Variants in MYO18B observed in about 807,000 individuals in gnomAD.
The protein encoded by MYO18B is myosin XVIIIB, also known as unconventional myosin-XVIIIb.
Under a neutral mutation model 273.0 loss-of-function variants are expected in MYO18B, and 204 were observed. The observed-to-expected ratio is 0.75, with a 90% CI of 0.67 to 0.84. The LOEUF (loss-of-function observed/expected upper bound fraction) is 0.84, where lower values mean the gene tolerates loss of function less well. Among genes scored for constraint, MYO18B ranks in the 40% least tolerant of loss-of-function variants. The pLI is 0.00. For missense variants in MYO18B, 3,212 were observed against 3,287.6 expected (o/e 0.98, Z 0.56); for synonymous variants, 1,330 against 1,305.7 (o/e 1.02, Z -0.40).
chr22:25,760,917 G>T, intron 1 of MYO18B, 67 bp from the exon 2 acceptor site: 2 of 692,826 alleles, frequency 2.9e-6, no homozygotes, highest in Non-Finnish European at 2.5e-6. Context: ...GTGGGGGTGG[G>T]AGTAGGGCTG....
chr22:25,874,757 A>G (rs1217902120), intron 23 of MYO18B, among the ~76,000 whole-genome samples: 1 of 152,208 alleles, frequency 6.6e-6, no homozygotes, highest in African/African-American at 2.4e-5. Flanking sequence ...ACCAAAGGCC[A>G]AGTCAAGCTT....
chr22:25,811,259 G>A (rs1206378441), intron 12 of MYO18B, among the ~76,000 whole-genome samples: 2 of 151,860 alleles, frequency 1.3e-5, no homozygotes, highest in Non-Finnish European at 2.9e-5. Flanking sequence ...CTGACCTCAG[G>A]TAATCCTCCC....
At chr22:25,773,118 C>G (rs1252027780) in intron 7 of MYO18B, among the ~76,000 whole-genome samples, 1 of 152,126 alleles carries the variant, frequency 6.6e-6, no homozygotes. Flanking sequence ...AAGGAAATCT[C>G]TAAGCGCCAC....
At chr22:26,034,396 T>C (rs954717716), downstream of MYO18B, among the ~76,000 whole-genome samples, 2 of 152,212 alleles carry the variant, frequency 1.3e-5, no homozygotes, top group Admixed American at 6.5e-5. Context: ...TGTCACTGCT[T>C]TCTGACCTCT....
chr22:25,948,372 C>T (rs1323092347), intron 36 of MYO18B, among the ~76,000 whole-genome samples: 1 of 152,192 alleles, frequency 6.6e-6, no homozygotes, highest in East Asian at 1.9e-4. Flanking sequence ...ACCTATCCAC[C>T]TATCCAACCA....
In MYO18B at chr22:25,805,483, G is replaced by A. The variant is rs553241980; in HGVS notation, c.2521+7386G>A. 5.3e-5 allele frequency among the ~76,000 whole-genome samples: 8 copies of A among 152,268 alleles called. No homozygotes were observed. The East Asian group carries it at 1.2e-3, about 22-fold the overall frequency. ...CCTAGAGCTCTCTCCAGGGATCCTC[G>A]TCTTATGATCACGTCACCCAATTGG... On this transcript the variant is annotated intron_variant, in intron 12 of 43. Transcript: ENST00000335473.
Position 25,846,165 on chromosome 22 carries a change from G to T in MYO18B, c.3434G>T (p.Gly1145Val), listed in dbSNP as rs1326083995. Reference sequence around the variant, plus strand: ...CCTCCTGTGTGCCGGGCTGTGGCAGGCCTGGAGGGCACCTCCCAGCAGGCC... The same window carrying T: ...CCTCCTGTGTGCCGGGCTGTGGCAGTCCTGGAGGGCACCTCCCAGCAGGCC... ...KLPPVCRAVA[G>V]LEGTSQQALQ... is the part of the protein sequence containing the mutation. Residue 1145 changes from glycine to valine, a missense_variant, in exon 19 of 44, where the codon GGC becomes GTC. Transcript: ENST00000335473. 2 of 1,610,644 alleles carry T rather than the reference G, an allele frequency of 1.2e-6. No homozygotes were observed. The highest frequency in any genetic ancestry group is 1.1e-5 in the South Asian group (1 of 90,520).
At chr22:25,843,648 A>G in intron 17 of MYO18B, 87 bp from the exon 18 acceptor site, 1 of 1,406,918 alleles carries the variant, frequency 7.1e-7, no homozygotes, top group Non-Finnish European at 9.7e-7. Flanking sequence ...ACACGTTAAG[A>G]TGGATACTGT....
chr22:25,894,357 G>A (rs539923695), intron 27 of MYO18B, among the ~76,000 whole-genome samples: 2 of 152,258 alleles, frequency 1.3e-5, no homozygotes, highest in South Asian at 4.2e-4. Flanking sequence ...GAATAAGTGG[G>A]TGGTCTCTAT....
intron 12 of MYO18B, among the ~76,000 whole-genome samples, chr22:25,809,861 T>C (rs1264420461): frequency 6.6e-6 from 1 of 151,686 alleles, no homozygotes; most frequent in African/African-American, 2.4e-5. Context: ...AGAGGGACTG[T>C]TAACATAACA....
intron 1 of MYO18B, among the ~76,000 whole-genome samples, chr22:25,759,025 A>AT (rs2086217359): frequency 6.6e-6 from 1 of 152,146 alleles, no homozygotes. Flanking sequence ...AAGTACTGGG[A>AT]TTACAGGCGT....
intron 34 of MYO18B, among the ~76,000 whole-genome samples, chr22:25,936,257 C>T: frequency 6.6e-6 from 1 of 152,186 alleles, no homozygotes; most frequent in East Asian, 1.9e-4. Context: ...CCAGATTCAT[C>T]ATCACCAGAG....
intron 21 of MYO18B, among the ~76,000 whole-genome samples, chr22:25,856,408 A>T (rs1337600337): frequency 6.6e-6 from 1 of 152,210 alleles, no homozygotes; most frequent in African/African-American, 2.4e-5. Flanking sequence ...ATTAACTTTA[A>T]ATAATTATCA....
Position 25,768,539 on chromosome 22 carries a change from T to C in MYO18B, c.623T>C (p.Ile208Thr), listed in dbSNP as rs1568988777. Reference protein sequence around the residue: ...TPCGSQASTEILAPKAEKTRT... With the variant: ...TPCGSQASTETLAPKAEKTRT... ...TGTGGCTCCCAGGCCAGCACCGAGA[T>C]CTTGGCCCCGAAAGCTGAGAAGACC... is the stretch of plus-strand genomic sequence containing the variant. Residue 208 changes from isoleucine to threonine, a missense_variant, in exon 4 of 44, where the codon ATC (isoleucine) becomes ACC (threonine). Transcript: ENST00000335473. 2.6e-6 allele frequency: 4 copies of C among 1,546,596 alleles called. No individual in the cohort carries two copies. Among genetic ancestry groups the C allele is most frequent in the Non-Finnish European group, 3.5e-6 (4 of 1,150,536 alleles).
At chr22:25,871,515 A>G (rs1219890692) in intron 22 of MYO18B, among the ~76,000 whole-genome samples, 1 of 152,128 alleles carries the variant, frequency 6.6e-6, no homozygotes, top group Non-Finnish European at 1.5e-5. Flanking sequence ...TTTTTTTAAA[A>G]CCTGGGCCTT....
chr22:25,892,688 C>G (rs2091692723), intron 27 of MYO18B: 1 of 152,148 alleles, frequency 6.6e-6, no homozygotes, highest in Non-Finnish European at 1.5e-5. Context: ...CATTCTTGTT[C>G]TTGTTATCCT....
chr22:25,881,575 C>T (rs929854647), intron 25 of MYO18B, among the ~76,000 whole-genome samples: 9 of 152,140 alleles, frequency 5.9e-5, no homozygotes, highest in South Asian at 2.1e-4. Context: ...TCATTAATCA[C>T]GAACTGTCAG....
At position 25,955,384 on chromosome 22, in the gene MYO18B, TG is replaced by T. The variant is rs2092838277; in HGVS notation, c.6156+23del. On this transcript the variant is annotated intron_variant, in intron 39 of 43. Coordinates refer to ENST00000335473, the MANE Select transcript of MYO18B (RefSeq NM_032608.7). ...GAGCTGGTGAGTCCTGTCCCCATCA[TG>T]GGCTCTTAGCGACTGAGGGTTTGCA... 2 of 1,596,650 alleles carry T rather than the reference TG, an allele frequency of 1.3e-6. No individual in the cohort carries two copies. Among genetic ancestry groups the T allele is most frequent in the African/African-American group, 1.3e-5 (1 of 74,382 alleles).
At chr22:25,898,645 ATTC>A (rs2091865172) in intron 29 of MYO18B, 184 bp downstream of exon 29, 1 of 633,688 alleles carries the variant, frequency 1.6e-6, no homozygotes, top group Non-Finnish European at 2.6e-6. Flanking sequence ...GCAAGAAATT[ATTC>A]TTTTCTCTTA....
Sources: gnomAD v4.1 joint callset for allele counts (sites outside exome capture counted in the v4.1 genomes callset) on GRCh38, gnomAD v4.1.1 for gene constraint, MANE v1.5 for transcripts, NCBI Gene and HGNC (gene_info 2026-07-23, HGNC 2026-07-21) for gene names.